Variants in GALNTL6 observed in about 807,000 individuals in gnomAD.
GALNTL6 encodes polypeptide N-acetylgalactosaminyltransferase like 6, also known as polypeptide N-acetylgalactosaminyltransferase-like 6.
A neutral mutation model predicts 73.7 loss-of-function variants in GALNTL6; 46 were observed. That is an observed-to-expected ratio of 0.62 (90% CI 0.49 to 0.80). GALNTL6 has a LOEUF of 0.80. GALNTL6 is among the 30% of genes least tolerant of loss of function. The pLI is 0.00. For synonymous variants in GALNTL6, 259 were observed against 263.7 expected, an observed-to-expected ratio of 0.98 and a Z score of 0.17; for missense variants, 604 against 755.0, an observed-to-expected ratio of 0.80 and a Z score of 2.34.
chr4:172,131,406 A>AATATATATATATATATATATATATAT (rs772791571), intron 2 of GALNTL6, among the ~76,000 whole-genome samples: 3 of 137,578 alleles, frequency 2.2e-5, no homozygotes, highest in African/African-American at 8.4e-5. Flanking sequence ...ATGCCTTTAA[A>AATATATATATATATATATATATATAT]ATATATATAT....
At chr4:172,317,213 T>C in intron 4 of GALNTL6, among the ~76,000 whole-genome samples, 2 of 152,228 alleles carry the variant, frequency 1.3e-5, no homozygotes, top group Non-Finnish European at 2.9e-5. Flanking sequence ...TGCCTTATAT[T>C]CTAAATACTC....
chr4:172,016,280 CTTTG>C (rs768440740), intron 2 of GALNTL6, among the ~76,000 whole-genome samples: 46 of 151,854 alleles, frequency 3.0e-4, no homozygotes, highest in Non-Finnish European at 5.2e-4. Flanking sequence ...TTCTCTTTAT[CTTTG>C]TTTGATTGGG....
At chr4:172,429,948 C>G (rs1174238648) in intron 5 of GALNTL6, among the ~76,000 whole-genome samples, 2 of 152,072 alleles carry the variant, frequency 1.3e-5, no homozygotes, top group Non-Finnish European at 2.9e-5. Flanking sequence ...AATCACCTAA[C>G]TGCTTCAAAC....
chr4:172,765,278 G>A (rs1421698217), intron 5 of GALNTL6, among the ~76,000 whole-genome samples: 1 of 152,126 alleles, frequency 6.6e-6, no homozygotes, highest in African/African-American at 2.4e-5. Flanking sequence ...AATATAAAAT[G>A]AGAAGTAAAA....
intron 5 of GALNTL6, among the ~76,000 whole-genome samples, chr4:172,371,502 CTG>C (rs1248954518): frequency 2.0e-5 from 3 of 152,220 alleles, no homozygotes; most frequent in Admixed American, 1.3e-4. Context: ...ATAGGGTACA[CTG>C]TTTTTTCTTT....
chr4:172,235,151 T>TC (rs1230100216), intron 3 of GALNTL6, among the ~76,000 whole-genome samples: 11 of 17,346 alleles, frequency 6.3e-4, no homozygotes, highest in African/African-American at 1.7e-3. Flanking sequence ...TTTTCAGATA[T>TC]TGTTAGTTTT....
intron 5 of GALNTL6, among the ~76,000 whole-genome samples, chr4:172,400,623 C>A (rs566439633): frequency 2.0e-5 from 3 of 151,912 alleles, no homozygotes; most frequent in East Asian, 1.9e-4. Flanking sequence ...GAAGGTGATG[C>A]GTGTGGCAGG....
chr4:173,018,274 A>G (rs1752860468), intron 11 of GALNTL6, among the ~76,000 whole-genome samples: 1 of 152,264 alleles, frequency 6.6e-6, no homozygotes, highest in Admixed American at 6.5e-5. Context: ...CAGAGTCATC[A>G]AAGTTGAAAA....
chr4:172,047,384 T>C (rs1201636139), intron 2 of GALNTL6, among the ~76,000 whole-genome samples: 1 of 152,164 alleles, frequency 6.6e-6, no homozygotes, highest in Non-Finnish European at 1.5e-5. Flanking sequence ...AAACATTTAT[T>C]ATATCAGAAA....
At chr4:172,349,925 C>A (rs1741887758) in intron 5 of GALNTL6, among the ~76,000 whole-genome samples, 2 of 151,630 alleles carry the variant, frequency 1.3e-5, no homozygotes, top group African/African-American at 4.8e-5. Flanking sequence ...GGTAGGCATG[C>A]ATTTAATACT....
At chr4:173,017,666 T>G (rs1314156524) in intron 11 of GALNTL6, among the ~76,000 whole-genome samples, 1 of 152,174 alleles carries the variant, frequency 6.6e-6, no homozygotes, top group Non-Finnish European at 1.5e-5. Flanking sequence ...TGCAGGAAAG[T>G]AATCAACAGG....
intron 5 of GALNTL6, among the ~76,000 whole-genome samples, chr4:172,767,343 T>C (rs960424062): frequency 4.6e-5 from 7 of 152,188 alleles, no homozygotes; most frequent in African/African-American, 7.2e-5. Context: ...TACCAATGTA[T>C]ACAATGAAGA....
chr4:172,924,889 T>C (rs1418777438), intron 8 of GALNTL6, among the ~76,000 whole-genome samples: 1 of 152,144 alleles, frequency 6.6e-6, no homozygotes, highest in African/African-American at 2.4e-5. Flanking sequence ...TTTTGTTTTT[T>C]CGAGACAGAG....
chr4:172,521,390 A>T (rs1734768348), intron 5 of GALNTL6, among the ~76,000 whole-genome samples: 1 of 152,178 alleles, frequency 6.6e-6, no homozygotes, highest in Non-Finnish European at 1.5e-5. Context: ...CATCTGTTAC[A>T]ATATGCCATA....
At chr4:172,405,144 T>C (rs570455298) in intron 5 of GALNTL6, among the ~76,000 whole-genome samples, 1 of 151,974 alleles carries the variant, frequency 6.6e-6, no homozygotes, top group East Asian at 1.9e-4. Context: ...CTTGTCAGGC[T>C]TAATTGGTGC....
At chr4:172,170,433 C>A (rs1249184939) in intron 2 of GALNTL6, among the ~76,000 whole-genome samples, 1 of 151,900 alleles carries the variant, frequency 6.6e-6, no homozygotes, top group Non-Finnish European at 1.5e-5. Flanking sequence ...GAGTCTTCCC[C>A]AGCCATATGG....
chr4:172,673,650 T>C (rs1732118702), intron 5 of GALNTL6, among the ~76,000 whole-genome samples: 1 of 152,226 alleles, frequency 6.6e-6, no homozygotes, highest in Non-Finnish European at 1.5e-5. Flanking sequence ...TAACTCTGGG[T>C]GCTCCTCTAT....
At chr4:172,047,188 G>A (rs974310458) in intron 2 of GALNTL6, among the ~76,000 whole-genome samples, 1 of 151,982 alleles carries the variant, frequency 6.6e-6, no homozygotes, top group East Asian at 1.9e-4. Flanking sequence ...GACGCTCCCC[G>A]CAGCTCTGTA....
At chr4:171,834,781 G>A (rs539448) in intron 2 of GALNTL6, among the ~76,000 whole-genome samples, 149,581 of 152,020 alleles carry the variant, frequency 0.98, 73,630 homozygotes, top group Middle Eastern at 1. Context: ...GACGAGAGGC[G>A]TAAGTCAGAC....
Sources: gnomAD v4.1 joint callset for allele counts (sites outside exome capture counted in the v4.1 genomes callset) on GRCh38, gnomAD v4.1.1 for gene constraint, MANE v1.5 for transcripts, NCBI Gene and HGNC (gene_info 2026-07-23, HGNC 2026-07-21) for gene names.